Variants in ADAM12 observed in about 807,000 individuals in gnomAD.
ADAM12 encodes the protein disintegrin and metalloproteinase domain-containing protein 12.
A neutral mutation model predicts 106.4 loss-of-function variants in ADAM12; 70 were observed. That is an observed-to-expected ratio of 0.66 (90% CI 0.54 to 0.80). The LOEUF is 0.80. Ranked by LOEUF, ADAM12 falls within the 30% of genes least tolerant of loss-of-function variation. ADAM12 has a pLI of 0.00. For missense variants in ADAM12, 1,010 were observed against 1,171.9 expected (o/e 0.86, Z 2.02); for synonymous variants, 420 against 433.5 (o/e 0.97, Z 0.39).
At chr10:126,372,650 C>T (rs556783962) in intron 1 of ADAM12, among the ~76,000 whole-genome samples, 1 of 152,280 alleles carries the variant, frequency 6.6e-6, no homozygotes, top group Admixed American at 6.5e-5. Context: ...TCACTGAAGT[C>T]CATAAGAGAA....
intron 3 of ADAM12, among the ~76,000 whole-genome samples, chr10:126,272,363 A>C: frequency 6.6e-6 from 1 of 152,244 alleles, no homozygotes; most frequent in East Asian, 1.9e-4. Flanking sequence ...TAAAGATGGC[A>C]GATTAGGCCA....
At chr10:126,098,943 C>A (rs1204555602) in intron 9 of ADAM12, among the ~76,000 whole-genome samples, 2 of 152,188 alleles carry the variant, frequency 1.3e-5, no homozygotes, top group Non-Finnish European at 2.9e-5. Context: ...CTGCCAGACA[C>A]CCAAATTCTT....
At chr10:126,092,058 G>A (rs770247334) in intron 11 of ADAM12, among the ~76,000 whole-genome samples, 1 of 152,124 alleles carries the variant, frequency 6.6e-6, no homozygotes, top group Non-Finnish European at 1.5e-5. Context: ...AATGGTGTGA[G>A]AATTGGGACA....
chr10:126,329,953 T>C (rs1854444790), intron 2 of ADAM12, among the ~76,000 whole-genome samples: 1 of 152,204 alleles, frequency 6.6e-6, no homozygotes, highest in African/African-American at 2.4e-5. Flanking sequence ...ATATTATTCT[T>C]TTACATCATA....
chr10:126,253,712 G>T (rs1958832328), intron 3 of ADAM12, among the ~76,000 whole-genome samples: 1 of 152,174 alleles, frequency 6.6e-6, no homozygotes, highest in African/African-American at 2.4e-5. Context: ...GAGGGCTTCT[G>T]CTCTCCTCCT....
intron 3 of ADAM12, among the ~76,000 whole-genome samples, chr10:126,240,054 C>G (rs1958492582): frequency 6.6e-6 from 1 of 152,200 alleles, no homozygotes; most frequent in Admixed American, 6.5e-5. Context: ...CAGCTCCCTC[C>G]TGGCTTGCTG....
At chr10:126,241,135 T>C (rs1252127731) in intron 3 of ADAM12, among the ~76,000 whole-genome samples, 1 of 152,202 alleles carries the variant, frequency 6.6e-6, no homozygotes, top group East Asian at 1.9e-4. Context: ...ACATGTACTA[T>C]ATAACTGCAC....
chr10:126,064,796 G>A lies in ADAM12; in HGVS notation c.1609+10C>T, dbSNP rs202151257. 176 of 1,594,332 alleles carry A rather than the reference G, an allele frequency of 1.1e-4. No homozygotes were observed. The East Asian group carries it at 2.2e-3, about 20-fold the overall frequency. ...CCTCTCCTGATGCCGAGCTTGTGGC[G>A]GCCACGTACCTGGTCCCCAGAGCGT... is the stretch of plus-strand genomic sequence containing the variant. On this transcript the variant is annotated intron_variant, in intron 14 of 22. Coordinates refer to ENST00000448723, the MANE Select transcript of ADAM12 (RefSeq NM_001288973.2). This position sits in a 1 kb window ranked among gnomAD's most constrained non-coding sequence, Gnocchi z 4.4.
intron 2 of ADAM12, among the ~76,000 whole-genome samples, chr10:126,302,173 A>C (rs1960653626): frequency 6.6e-6 from 1 of 151,524 alleles, no homozygotes; most frequent in Non-Finnish European, 1.5e-5. Flanking sequence ...CACCAACCCC[A>C]CCCCCAGGGT....
At chr10:126,151,024 T>A (rs1956720163) in intron 4 of ADAM12, among the ~76,000 whole-genome samples, 1 of 152,226 alleles carries the variant, frequency 6.6e-6, no homozygotes, top group Admixed American at 6.5e-5. Flanking sequence ...CATTAAAACA[T>A]GTTTTTTAAA....
chr10:126,369,303 C>G (rs779283840), intron 1 of ADAM12, among the ~76,000 whole-genome samples: 3 of 152,202 alleles, frequency 2.0e-5, no homozygotes, highest in Non-Finnish European at 4.4e-5. Context: ...GTGCTAGGCA[C>G]GGGGGACCCA....
intron 2 of ADAM12, among the ~76,000 whole-genome samples, chr10:126,326,733 A>C (rs1854316694): frequency 1.3e-5 from 2 of 151,706 alleles, no homozygotes; most frequent in Admixed American, 1.3e-4. Context: ...CTACCTTGTC[A>C]GGGCCCTGCT....
chr10:126,051,894 G>C (rs190829040), intron 14 of ADAM12, among the ~76,000 whole-genome samples: 4 of 152,300 alleles, frequency 2.6e-5, no homozygotes, highest in African/African-American at 9.6e-5. Context: ...CAGAGTAGGA[G>C]GGTTCAGGGG....
chr10:126,364,863 A>G (rs1855857793), intron 1 of ADAM12, among the ~76,000 whole-genome samples: 1 of 152,120 alleles, frequency 6.6e-6, no homozygotes, highest in Admixed American at 6.6e-5. Context: ...TCCTTGTTTT[A>G]GTGTACATGA....
chr10:126,027,194 A>G (rs537847336), intron 21 of ADAM12, among the ~76,000 whole-genome samples: 7 of 152,308 alleles, frequency 4.6e-5, no homozygotes, highest in African/African-American at 1.7e-4. Context: ...GAATCCCTGA[A>G]TAGGCCAATA....
rs1177387249 is a variant in ADAM12, at chr10:126,164,463, A to T, written c.261-9158T>A. Among the ~76,000 whole-genome samples the T allele has an allele frequency of 2.0e-5, 3 of 152,230 alleles. No homozygotes were observed. The South Asian group carries it at 6.2e-4, about 32-fold the overall frequency. ...TCATCATTCCACAAATTACAAAATC[A>T]TTCATATGTAAATTTGGGTAATGGA... On this transcript the variant is annotated intron_variant, in intron 3 of 22. Coordinates refer to ENST00000448723, the MANE Select transcript of ADAM12 (RefSeq NM_001288973.2).
intron 5 of ADAM12, among the ~76,000 whole-genome samples, chr10:126,119,370 A>T (rs889315562): frequency 2.0e-5 from 3 of 152,194 alleles, no homozygotes; most frequent in African/African-American, 4.8e-5. Flanking sequence ...ATCGAGTCAA[A>T]ACGCTTAGCC....
rs1214738692 is a variant in ADAM12 at position 126,278,999 on chromosome 10, A to T, written c.187-11T>A. On this transcript the variant is annotated splice_polypyrimidine_tract_variant and intron_variant, in intron 2 of 22. Coordinates refer to ENST00000448723, the MANE Select transcript of ADAM12 (RefSeq NM_001288973.2). The stretch of plus-strand genomic sequence containing the variant: ...CACTTCTGGATGATTCTGAAAGATA[A>T]ACAACAAAAGTCAGTTGAAAAACGC... The T allele has an allele frequency of 8.7e-6, 14 of 1,609,784 alleles. No individual in the cohort carries two copies. The highest frequency in any genetic ancestry group is 1.1e-5 in the Non-Finnish European group (13 of 1,176,678).
In ADAM12 at chr10:126,049,874, C is replaced by T. The variant is rs577003035; in HGVS notation, c.1610-205G>A. On this transcript the variant is annotated intron_variant, in intron 14 of 22. Transcript: ENST00000448723. This position sits in a 1 kb window ranked among gnomAD's most constrained non-coding sequence, Gnocchi z 4.4. ...TCTTGACTCGGCCTCTGGCAGAGCA[C>T]ATGTTCCAATGCTTACTCTTCCTTA... Among the ~76,000 whole-genome samples the T allele has an allele frequency of 6.6e-6, 1 of 152,314 alleles. No homozygotes were observed. Among genetic ancestry groups the T allele is most frequent in the East Asian group, 1.9e-4 (1 of 5,178 alleles).
Sources: allele counts gnomAD v4.1 joint callset (sites outside exome capture counted in the v4.1 genomes callset), GRCh38; gene constraint gnomAD v4.1.1; non-coding constraint Gnocchi (gnomAD v3.1); transcripts MANE v1.5; gene names NCBI Gene and HGNC (gene_info 2026-07-23, HGNC 2026-07-21).